Variants in L3MBTL4 observed in about 807,000 individuals in gnomAD.
The protein encoded by L3MBTL4 is L3MBTL histone methyl-lysine binding protein 4.
In L3MBTL4, 70 loss-of-function variants were observed where a neutral mutation model predicts 84.5. The observed-to-expected ratio is 0.83, with a 90% CI of 0.68 to 1.01. L3MBTL4 has a LOEUF of 1.01. L3MBTL4 is among the 50% of genes least tolerant of loss of function. The probability of loss-of-function intolerance (pLI) is 0.00; values close to 1 mark genes in which losing one functional copy is unlikely to be tolerated. For missense variants in L3MBTL4, 715 were observed against 754.8 expected (o/e 0.95, Z 0.62); for synonymous variants, 274 against 259.8 (o/e 1.05, Z -0.52).
At chr18:6,359,887 G>C (rs1008184259) in intron 1 of L3MBTL4, among the ~76,000 whole-genome samples, 4 of 152,028 alleles carry the variant, frequency 2.6e-5, no homozygotes, top group Non-Finnish European at 5.9e-5. Flanking sequence ...GGGTTAAAGG[G>C]TTGTATGAAT....
chr18:6,221,719 C>A (rs2046562632), intron 10 of L3MBTL4, among the ~76,000 whole-genome samples: 1 of 152,164 alleles, frequency 6.6e-6, no homozygotes, highest in Non-Finnish European at 1.5e-5. Flanking sequence ...ACCAGTGCGG[C>A]CCTGGCTAGC....
intron 16 of L3MBTL4, among the ~76,000 whole-genome samples, chr18:6,014,776 TTTGGCGAGCTTC>T (rs2054888912): frequency 1.3e-5 from 2 of 152,106 alleles, no homozygotes; most frequent in Non-Finnish European, 2.9e-5. Flanking sequence ...TTGGGGAAAC[TTTGGCGAGCTTC>T]AAGCAGAAAC....
intron 16 of L3MBTL4, among the ~76,000 whole-genome samples, chr18:6,002,957 A>G (rs1375904238): frequency 6.6e-6 from 1 of 151,274 alleles, no homozygotes; most frequent in Admixed American, 6.6e-5. Context: ...ACTCATACTC[A>G]TCTTAGATCC....
At chr18:6,334,767 T>C (rs561185754) in intron 1 of L3MBTL4, among the ~76,000 whole-genome samples, 1 of 152,318 alleles carries the variant, frequency 6.6e-6, no homozygotes, top group South Asian at 2.1e-4. Flanking sequence ...GGAGATTTCT[T>C]TGTGATTCCC....
intron 15 of L3MBTL4, among the ~76,000 whole-genome samples, chr18:6,090,632 C>CT (rs371420348): frequency 0.093 from 12,901 of 138,922 alleles, 703 homozygotes; most frequent in African/African-American, 0.12. Context: ...ACATATATTT[C>CT]TTTTTTTTTT....
intron 4 of L3MBTL4, among the ~76,000 whole-genome samples, chr18:6,286,346 C>A (rs1211840095): frequency 6.6e-6 from 1 of 151,704 alleles, no homozygotes; most frequent in East Asian, 2.0e-4. Context: ...CACCTGTAAT[C>A]CCAGCTACTC....
At chr18:6,272,016 T>C (rs1368571009) in intron 4 of L3MBTL4, among the ~76,000 whole-genome samples, 1 of 152,128 alleles carries the variant, frequency 6.6e-6, no homozygotes, top group East Asian at 1.9e-4. Context: ...GGGAGGCAGA[T>C]GACATAAGCT....
At chr18:6,346,456 A>T (rs1177481942) in intron 1 of L3MBTL4, among the ~76,000 whole-genome samples, 1 of 152,066 alleles carries the variant, frequency 6.6e-6, no homozygotes, top group African/African-American at 2.4e-5. Context: ...ATAAGGGGCT[A>T]ATATACAAAA....
intron 15 of L3MBTL4, among the ~76,000 whole-genome samples, chr18:6,087,848 T>C (rs2058308586): frequency 6.6e-6 from 1 of 152,226 alleles, no homozygotes; most frequent in African/African-American, 2.4e-5. Flanking sequence ...TCTATAGCAA[T>C]ATCAATGTCT....
intron 1 of L3MBTL4, among the ~76,000 whole-genome samples, chr18:6,404,373 T>G (rs1281671099): frequency 6.6e-6 from 1 of 152,178 alleles, no homozygotes; most frequent in Non-Finnish European, 1.5e-5. Context: ...AGGGGACAAG[T>G]GCACCCCAAG....
intron 14 of L3MBTL4, among the ~76,000 whole-genome samples, chr18:6,129,362 TTCTC>T (rs760535630): frequency 8.9e-4 from 128 of 143,380 alleles, no homozygotes; most frequent in African/African-American, 3.1e-3. Context: ...TTTACTGGAA[TTCTC>T]TCTGTGTGTG....
At chr18:6,389,198 C>G (rs575144972) in intron 1 of L3MBTL4, among the ~76,000 whole-genome samples, 20 of 152,312 alleles carry the variant, frequency 1.3e-4, no homozygotes, top group Middle Eastern at 6.8e-3. Flanking sequence ...GCAAAATTAA[C>G]TTTCACAAAT....
At chr18:6,293,434 C>T (rs1173762449) in intron 4 of L3MBTL4, among the ~76,000 whole-genome samples, 3 of 151,582 alleles carry the variant, frequency 2.0e-5, no homozygotes, top group African/African-American at 7.3e-5. Context: ...GACTCACTGG[C>T]CAAACTGGGG....
intron 12 of L3MBTL4, among the ~76,000 whole-genome samples, chr18:6,193,752 C>T (rs990179745): frequency 8.5e-5 from 13 of 152,162 alleles, no homozygotes; most frequent in Non-Finnish European, 1.3e-4. Context: ...TTCCCTGTGG[C>T]TTTTGTGGAT....
At chr18:6,206,577 G>A (rs1169907992) in intron 12 of L3MBTL4, among the ~76,000 whole-genome samples, 2 of 152,102 alleles carry the variant, frequency 1.3e-5, no homozygotes, top group African/African-American at 2.4e-5. Context: ...TGCTCGGCCC[G>A]TGTTTCCGTT....
intron 14 of L3MBTL4, among the ~76,000 whole-genome samples, chr18:6,119,743 T>C (rs1598812964): frequency 6.6e-6 from 1 of 152,118 alleles, no homozygotes; most frequent in Admixed American, 6.5e-5. Context: ...AAGACCAGGA[T>C]TTTTTCTGAT....
chr18:6,331,313 T>C (rs931249441), intron 1 of L3MBTL4, among the ~76,000 whole-genome samples: 2 of 152,156 alleles, frequency 1.3e-5, no homozygotes, highest in Non-Finnish European at 2.9e-5. Context: ...TAAAACACTG[T>C]TGGAACAAGA....
intron 1 of L3MBTL4, among the ~76,000 whole-genome samples, chr18:6,372,690 A>C (rs12326749): frequency 0.01 from 1,541 of 152,214 alleles, 32 homozygotes; most frequent in African/African-American, 0.035. Flanking sequence ...AAGTGTCCTC[A>C]CCTGTACATT....
intron 16 of L3MBTL4, among the ~76,000 whole-genome samples, chr18:6,026,731 A>C (rs1311504763): frequency 6.6e-6 from 1 of 152,206 alleles, no homozygotes; most frequent in Non-Finnish European, 1.5e-5. Flanking sequence ...GATTACAAAC[A>C]TAAGGGGTTG....
Sources: gnomAD v4.1 joint callset for allele counts (sites outside exome capture counted in the v4.1 genomes callset) on GRCh38, gnomAD v4.1.1 for gene constraint, MANE v1.5 for transcripts, NCBI Gene and HGNC (gene_info 2026-07-23, HGNC 2026-07-21) for gene names.